Variants in GALNT13 observed in about 807,000 individuals in gnomAD.
The protein encoded by GALNT13 is UDP-GalNAc:polypeptide N-acetylgalactosaminyltransferase 13.
GALNT13 carries 28 observed loss-of-function variants against 64.2 expected under a neutral mutation model. That is an observed-to-expected ratio of 0.44 (90% CI 0.32 to 0.60). The LOEUF (loss-of-function observed/expected upper bound fraction) is 0.60. GALNT13 is among the 20% of genes least tolerant of loss of function. The pLI, the probability that GALNT13 is intolerant of heterozygous loss-of-function variation, is 0.05. For missense variants in GALNT13, 577 were observed against 669.8 expected, an observed-to-expected ratio of 0.86 and a Z score of 1.53; for synonymous variants, 214 against 224.6, an observed-to-expected ratio of 0.95 and a Z score of 0.42.
chr2:153,444,331 A>G, the GALNT13 span, among the ~76,000 whole-genome samples: 11 of 152,218 alleles, frequency 7.2e-5, no homozygotes, highest in Non-Finnish European at 1.5e-4. Context: ...AACATATAGT[A>G]TGTACTCAAG....
intron 10 of GALNT13, among the ~76,000 whole-genome samples, chr2:154,406,809 G>A (rs1699565571): frequency 6.6e-6 from 1 of 152,016 alleles, no homozygotes; most frequent in Non-Finnish European, 1.5e-5. Context: ...GTTCCTTTCT[G>A]TCTCCTCAGC....
intron 2 of GALNT13, among the ~76,000 whole-genome samples, chr2:153,926,059 C>T (rs1193888081): frequency 1.3e-5 from 2 of 151,876 alleles, no homozygotes; most frequent in African/African-American, 2.4e-5. Context: ...TTTCTCTTGC[C>T]TGTCAATCAT....
chr2:153,743,968 T>G, the GALNT13 span, among the ~76,000 whole-genome samples: 1 of 152,132 alleles, frequency 6.6e-6, no homozygotes, highest in Non-Finnish European at 1.5e-5. Context: ...CATCATGACC[T>G]CCAGTTCCAT....
chr2:153,737,124 G>T, the GALNT13 span, among the ~76,000 whole-genome samples: 1 of 152,162 alleles, frequency 6.6e-6, no homozygotes, highest in Admixed American at 6.5e-5. Flanking sequence ...TCAAGCATGC[G>T]TGCCTGGTGG....
chr2:153,173,799 TA>T, the GALNT13 span, among the ~76,000 whole-genome samples: 33 of 152,320 alleles, frequency 2.2e-4, no homozygotes, highest in East Asian at 6.2e-3. Context: ...TCTCATTATC[TA>T]AATCATTCAA....
At chr2:153,538,323 A>ATTTTTTTTTTTTTTTTTTTTT in the GALNT13 span, among the ~76,000 whole-genome samples, 1 of 56,306 alleles carries the variant, frequency 1.8e-5, no homozygotes, top group Non-Finnish European at 3.1e-5. Flanking sequence ...TTTTTTTTTA[A>ATTTTTTTTTTTTTTTTTTTTT]TTCTTTTTTT....
chr2:153,157,755 A>C, the GALNT13 span, among the ~76,000 whole-genome samples: 2 of 152,196 alleles, frequency 1.3e-5, no homozygotes, highest in Non-Finnish European at 2.9e-5. Context: ...CTTTAAAATA[A>C]CTAGGAATTA....
chr2:153,405,087 T>G, the GALNT13 span, among the ~76,000 whole-genome samples: 1 of 152,172 alleles, frequency 6.6e-6, no homozygotes. Context: ...AGGTTACACA[T>G]AAGACTGGTA....
chr2:154,026,042 TG>T (rs1697935815), intron 3 of GALNT13, among the ~76,000 whole-genome samples: 2 of 152,122 alleles, frequency 1.3e-5, no homozygotes, highest in African/African-American at 2.4e-5. Flanking sequence ...TGCATGGTGT[TG>T]GGGGGAGGGG....
intron 11 of GALNT13, among the ~76,000 whole-genome samples, chr2:154,411,170 A>T (rs185294610): frequency 2.0e-5 from 3 of 152,030 alleles, no homozygotes; most frequent in Non-Finnish European, 4.4e-5. Flanking sequence ...ATATAAAAAC[A>T]GCTCAGGGAT....
chr2:154,312,046 TG>T (rs1468969603), intron 9 of GALNT13, among the ~76,000 whole-genome samples: 6 of 152,184 alleles, frequency 3.9e-5, no homozygotes, highest in Non-Finnish European at 7.3e-5. Context: ...TACAGGGTCC[TG>T]AGACGATATA....
the GALNT13 span, among the ~76,000 whole-genome samples, chr2:153,546,228 T>A: frequency 7.0e-4 from 106 of 152,356 alleles, no homozygotes; most frequent in Middle Eastern, 0.01. Context: ...TTAAAATTGA[T>A]AAGTAATTAT....
At chr2:153,704,155 A>G in the GALNT13 span, among the ~76,000 whole-genome samples, 48 of 152,234 alleles carry the variant, frequency 3.2e-4, no homozygotes, top group African/African-American at 3.4e-4. Flanking sequence ...AAGGCATTCC[A>G]TTATTCAAAA....
At chr2:153,438,948 G>A in the GALNT13 span, among the ~76,000 whole-genome samples, 1 of 152,060 alleles carries the variant, frequency 6.6e-6, no homozygotes, top group South Asian at 2.1e-4. Flanking sequence ...CATCTTTGTG[G>A]TTTTATCTAC....
intron 9 of GALNT13, among the ~76,000 whole-genome samples, chr2:154,346,755 T>A (rs1696091375): frequency 6.6e-6 from 1 of 152,098 alleles, no homozygotes; most frequent in Non-Finnish European, 1.5e-5. Context: ...TATCCTATAT[T>A]CACATAGAAC....
At chr2:154,073,029 A>G (rs10205080) in intron 3 of GALNT13, among the ~76,000 whole-genome samples, 30,466 of 151,916 alleles carry the variant, frequency 0.2, 4,000 homozygotes, top group Middle Eastern at 0.33. Flanking sequence ...AAATAATAAT[A>G]GTATGATGGT....
the GALNT13 span, among the ~76,000 whole-genome samples, chr2:153,120,280 A>G: frequency 6.6e-6 from 1 of 152,244 alleles, no homozygotes; most frequent in Admixed American, 6.5e-5. Flanking sequence ...CACGTGGTAG[A>G]TTCTTTTCAG....
chr2:154,076,122 A>G (rs996262916), intron 3 of GALNT13, among the ~76,000 whole-genome samples: 1 of 151,646 alleles, frequency 6.6e-6, no homozygotes, highest in Non-Finnish European at 1.5e-5. Context: ...TCTTCATTAT[A>G]GTACCCAATC....
the GALNT13 span, among the ~76,000 whole-genome samples, chr2:153,316,723 C>A: frequency 1.3e-5 from 2 of 150,516 alleles, no homozygotes; most frequent in Non-Finnish European, 3.0e-5. Context: ...AATCCAAATA[C>A]CAAATACTTA....
Sources: allele counts gnomAD v4.1 joint callset (sites outside exome capture counted in the v4.1 genomes callset), GRCh38; gene constraint gnomAD v4.1.1; transcripts MANE v1.5; gene names NCBI Gene and HGNC (gene_info 2026-07-23, HGNC 2026-07-21).